C16orf89: variants seen among roughly 807,000 people sequenced by gnomAD.
C16orf89 encodes chromosome 16 open reading frame 89.
Under a neutral mutation model 41.5 loss-of-function variants are expected in C16orf89, and 57 were observed. The observed-to-expected ratio is 1.38, with a 90% CI of 1.11 to 1.71. C16orf89 has a LOEUF of 1.71. Among genes scored for constraint, C16orf89 ranks in the 40% most tolerant of loss-of-function variants. The pLI is 0.00. For synonymous variants in C16orf89, 223 were observed against 190.6 expected (o/e 1.17, Z -1.40); for missense variants, 575 against 445.9 (o/e 1.29, Z -2.61).
intron 6 of C16orf89, among the ~76,000 whole-genome samples, chr16:5,053,073 G>T (rs1389783894): frequency 6.6e-6 from 1 of 152,190 alleles, no homozygotes; most frequent in Non-Finnish European, 1.5e-5. Flanking sequence ...AGCTAAAAAA[G>T]TTGATCTCAT....
At position 5,065,731 on chromosome 16, in the gene C16orf89, C is replaced by A. The variant is rs770987471; in HGVS notation, c.178G>T (p.Asp60Tyr). Residue 60 changes from aspartate (D) to tyrosine (Y), a missense_variant, in exon 1 of 8, where the codon GAT (aspartate) becomes TAT (tyrosine). Physicochemically the swap from Asp to Tyr is radical, Grantham distance 160 (BLOSUM62 -3). Transcript: ENST00000472572. ...LEQRLPEINL[D>Y]GMVGVRVLEE... Reference sequence around the variant, plus strand: ...AGCACTCGGACCCCCACCATGCCATCCAGGTTGATTTCAGGCAGCCTCTGT... The same window carrying A: ...AGCACTCGGACCCCCACCATGCCATACAGGTTGATTTCAGGCAGCCTCTGT... The A allele has an allele frequency of 1.1e-5, 18 of 1,614,066 alleles. No homozygotes were observed. The highest frequency in any genetic ancestry group is 1.5e-5 in the Non-Finnish European group (18 of 1,179,892).
chr16:5,065,425 C>A (rs191064900), intron 1 of C16orf89, among the ~76,000 whole-genome samples: 6 of 152,306 alleles, frequency 3.9e-5, no homozygotes, highest in Admixed American at 3.9e-4. Flanking sequence ...TGAGGAGGGG[C>A]TGTCAAATGG....
intron 4 of C16orf89, 60 bp from the exon 5 acceptor site, chr16:5,056,248 C>T (rs1199577735): frequency 6.7e-7 from 1 of 1,489,048 alleles, no homozygotes; most frequent in Non-Finnish European, 9.2e-7. Flanking sequence ...GACACACGCC[C>T]TGCTATGGGA....
At chr16:5,057,003 G>A (rs1956521568) in intron 4 of C16orf89, among the ~76,000 whole-genome samples, 2 of 151,166 alleles carry the variant, frequency 1.3e-5, no homozygotes, top group African/African-American at 4.8e-5. Context: ...ACTTTGGGAG[G>A]CCGAGGCGGG....
At chr16:5,060,115 G>C (rs1266902239) in intron 3 of C16orf89, 171 bp downstream of exon 3, 6 of 744,660 alleles carry the variant, frequency 8.1e-6, no homozygotes, top group Middle Eastern at 6.4e-4. Flanking sequence ...GAGCAAGGGG[G>C]ACCCTGCTGG....
At chr16:5,054,151 C>T (rs914098575) in intron 6 of C16orf89, among the ~76,000 whole-genome samples, 7 of 152,236 alleles carry the variant, frequency 4.6e-5, no homozygotes, top group African/African-American at 1.7e-4. Flanking sequence ...GCATCCCAAG[C>T]TTCTAATGAG....
chr16:5,047,345 G>T (rs914848095), intron 7 of C16orf89, among the ~76,000 whole-genome samples: 1 of 152,112 alleles, frequency 6.6e-6, no homozygotes, highest in Non-Finnish European at 1.5e-5. Context: ...CCTGACGCAG[G>T]TTCTATTTTC....
Position 5,056,072 on chromosome 16 carries a change from C to T in C16orf89, c.744G>A (p.Arg248=). 1 of 1,594,324 alleles carries T rather than the reference C, an allele frequency of 6.3e-7. No individual in the cohort carries two copies. The highest frequency in any genetic ancestry group is 8.6e-7 in the Non-Finnish European group (1 of 1,164,434). Residue 248 remains arginine, a synonymous_variant, in exon 5 of 8, where the codon CGG becomes CGA. Coordinates refer to ENST00000472572, the MANE Select transcript of C16orf89 (RefSeq NM_001098514.3). ...CCATACTGTTTTCCATGAAGATGTC[C>T]CGGGTAGGGTAGGCGTATCCGATGG... ...AEAIGYAYPT[R]DIFMENIMFC...
chr16:5,064,591 C>T (rs960479760), intron 1 of C16orf89, among the ~76,000 whole-genome samples: 1 of 152,248 alleles, frequency 6.6e-6, no homozygotes, highest in African/African-American at 2.4e-5. Flanking sequence ...CTGGGCAGTC[C>T]AGTTCTGAAG....
At chr16:5,048,001 A>T (rs536495577) in intron 6 of C16orf89, 37 bp from the exon 7 acceptor site, 1 of 1,102,164 alleles carries the variant, frequency 9.1e-7, no homozygotes, top group African/African-American at 1.6e-5. Flanking sequence ...CTCAAGAGAG[A>T]TTTTTATTTT....
chr16:5,044,940 G>A (rs980566908), intron 7 of C16orf89: 219 of 1,213,482 alleles, frequency 1.8e-4, no homozygotes, highest in South Asian at 1.6e-4. Context: ...TTGCTGGGCC[G>A]GGTGCTCTTC....
rs78077473 is a variant in C16orf89, at chr16:5,065,078, C to T, written c.208+623G>A. ...TGTGTGTGTGTGATATGCTTGTGTG[C>T]ATGCGTGCATGCGTGCTTGTGTGTG... is the stretch of plus-strand genomic sequence containing the variant. On this transcript the variant is annotated intron_variant, in intron 1 of 7. Coordinates refer to ENST00000472572, the MANE Select transcript of C16orf89 (RefSeq NM_001098514.3). Among the ~76,000 whole-genome samples the T allele has an allele frequency of 0.011, 1,712 of 151,944 alleles. 126 individuals carry two copies. In the East Asian group the frequency reaches 0.22, roughly 20 times the overall value.
At chr16:5,051,628 G>A (rs924801855) in intron 6 of C16orf89, among the ~76,000 whole-genome samples, 3 of 151,970 alleles carry the variant, frequency 2.0e-5, no homozygotes, top group East Asian at 1.9e-4. Context: ...CCATGCTACC[G>A]AAGTGATCTA....
Position 5,052,315 on chromosome 16 carries a change from G to C in C16orf89, c.868+2931C>G, listed in dbSNP as rs951637608. On this transcript the variant is annotated intron_variant, in intron 6 of 7. Transcript: ENST00000472572. Reference sequence around the variant, plus strand: ...TCAAAAAGACAAAAAATGGCCAAGCGCAGTGGCTCACGCCTCTAATCTCAG... The same window carrying C: ...TCAAAAAGACAAAAAATGGCCAAGCCCAGTGGCTCACGCCTCTAATCTCAG... Among the ~76,000 whole-genome samples the C allele has an allele frequency of 2.6e-5, 4 of 151,590 alleles. No homozygotes were observed. In the East Asian group the frequency reaches 7.7e-4, roughly 29 times the overall value.
At chr16:5,047,659 G>C (rs1387497370) in intron 7 of C16orf89, among the ~76,000 whole-genome samples, 1 of 151,944 alleles carries the variant, frequency 6.6e-6, no homozygotes, top group African/African-American at 2.4e-5. Context: ...GTAGAGACAG[G>C]GTTTTGTTAT....
At chr16:5,054,227 G>C (rs1303904337) in intron 6 of C16orf89, among the ~76,000 whole-genome samples, 1 of 152,148 alleles carries the variant, frequency 6.6e-6, no homozygotes, top group African/African-American at 2.4e-5. Flanking sequence ...AATGTATTAC[G>C]TTGACTCTCC....
At chr16:5,065,087 A>G (rs934003765) in intron 1 of C16orf89, among the ~76,000 whole-genome samples, 4 of 151,846 alleles carry the variant, frequency 2.6e-5, no homozygotes, top group Non-Finnish European at 5.9e-5. Context: ...GCATGCGTGC[A>G]TGCGTGCTTG....
chr16:5,063,724 C>T (rs1956675561), intron 1 of C16orf89, among the ~76,000 whole-genome samples: 1 of 152,210 alleles, frequency 6.6e-6, no homozygotes, highest in South Asian at 2.1e-4. Flanking sequence ...AGACCGTCTC[C>T]TATCACCCCC....
At chr16:5,055,580 A>C (rs1956481354) in intron 5 of C16orf89, 4 of 1,247,472 alleles carry the variant, frequency 3.2e-6, no homozygotes, top group Admixed American at 2.4e-5. Context: ...GGCTGCTCCA[A>C]AGTCAGGATC....
Sources: gnomAD v4.1 joint callset for allele counts (sites outside exome capture counted in the v4.1 genomes callset) on GRCh38, gnomAD v4.1.1 for gene constraint, MANE v1.5 for transcripts, NCBI Gene and HGNC (gene_info 2026-07-23, HGNC 2026-07-21) for gene names.